PFKP: variants seen among roughly 807,000 people sequenced by gnomAD.
PFKP encodes ATP-dependent 6-phosphofructokinase, platelet type.
In PFKP, 101 loss-of-function variants were observed where a neutral mutation model predicts 94.3. That is an observed-to-expected ratio of 1.07 (90% CI 0.91 to 1.26). The LOEUF (loss-of-function observed/expected upper bound fraction) is 1.26. Among genes scored for constraint, PFKP ranks in the 50% most tolerant of loss-of-function variants. The pLI is 0.00. For synonymous variants in PFKP, 573 were observed against 432.6 expected (o/e 1.32, Z -4.03); for missense variants, 1,145 against 1,103.3 (o/e 1.04, Z -0.53).
At position 3,136,589 on chromosome 10, in the gene PFKP, G is replaced by A. The variant is rs533800662; in HGVS notation, c.*10G>A. The A allele has an allele frequency of 5.9e-5, 95 of 1,612,174 alleles. No homozygotes were observed. Among genetic ancestry groups the A allele is most frequent in the South Asian group, 4.4e-4 (40 of 90,824 alleles). On this transcript the variant is annotated 3_prime_UTR_variant, in exon 22 of 22. Transcript: ENST00000381125. ...GCCCTGGAGTGTCTGACCCAGTCCC[G>A]CCTGCATGTGCCTGCAGCCACCGTG... is the stretch of plus-strand genomic sequence containing the variant.
chr10:3,126,848 C>T (rs982587748), intron 16 of PFKP, among the ~76,000 whole-genome samples: 3 of 152,264 alleles, frequency 2.0e-5, no homozygotes, highest in Non-Finnish European at 4.4e-5. Context: ...GCAGGATCGC[C>T]TCTGCGTCCT....
At chr10:3,101,654 C>T (rs892187431) in intron 4 of PFKP, 100 bp downstream of exon 4, 2 of 803,924 alleles carry the variant, frequency 2.5e-6, no homozygotes, top group African/African-American at 1.8e-5. Flanking sequence ...AGTACCTCTT[C>T]TCACAGATCT....
At chr10:3,131,491 C>G (rs1254448390) in intron 17 of PFKP, among the ~76,000 whole-genome samples, 3 of 152,194 alleles carry the variant, frequency 2.0e-5, no homozygotes, top group Non-Finnish European at 2.9e-5. Flanking sequence ...GAGTCTCGCT[C>G]TGTCACCCAG....
chr10:3,082,190 C>T (rs149522525), intron 1 of PFKP, among the ~76,000 whole-genome samples, 198 bp from the exon 2 acceptor site: 70 of 152,120 alleles, frequency 4.6e-4, no homozygotes, highest in African/African-American at 1.6e-3. Flanking sequence ...GTAGCCTGGG[C>T]ATGGGGGTAC....
At chr10:3,121,548 T>C (rs1020059121) in intron 16 of PFKP, among the ~76,000 whole-genome samples, 2 of 151,712 alleles carry the variant, frequency 1.3e-5, no homozygotes, top group Admixed American at 1.3e-4. Flanking sequence ...CTGAGTTTCT[T>C]TTTAATTCCA....
At chr10:3,135,023 T>C (rs1423200410) in intron 20 of PFKP, among the ~76,000 whole-genome samples, 1 of 152,050 alleles carries the variant, frequency 6.6e-6, no homozygotes, top group African/African-American at 2.4e-5. Context: ...TTCGTAGAAC[T>C]GTGCATGTTC....
Position 3,119,950 on chromosome 10 carries a change from T to A in PFKP, c.1589T>A (p.Val530Asp), listed in dbSNP as rs1217378456. Reference sequence around the variant, plus strand: ...CGGGAGAAGCACGAGGAGTTCTGTGTCCCCATGGTCATGGTTCCCGCTACT... The same window carrying A: ...CGGGAGAAGCACGAGGAGTTCTGTGACCCCATGGTCATGGTTCCCGCTACT... The part of the protein sequence containing the change: ...AAREKHEEFC[V>D]PMVMVPATVS... The change falls in exon 16 of 22, where the codon GTC becomes GAC. Residue 530 changes from valine to aspartate, a missense_variant. Physicochemically the swap from Val to Asp is radical, Grantham distance 152. Around this residue, in one of 3 missense-constraint regions of PFKP, gnomAD observed 1,119 missense variants for 1,062.8 expected, o/e 1.05. Coordinates refer to ENST00000381125, the MANE Select transcript of PFKP (RefSeq NM_002627.5). The A allele has an allele frequency of 6.2e-7, 1 of 1,614,144 alleles. No individual in the cohort carries two copies. Among genetic ancestry groups the A allele is most frequent in the Non-Finnish European group, 8.5e-7 (1 of 1,180,008 alleles).
intron 1 of PFKP, among the ~76,000 whole-genome samples, chr10:3,075,434 G>A (rs930318612): frequency 6.6e-5 from 10 of 151,626 alleles, no homozygotes; most frequent in African/African-American, 1.7e-4. Context: ...ATTCCAGAGC[G>A]GCTTCCCTCT....
At chr10:3,109,595 C>A in intron 10 of PFKP, 115 bp downstream of exon 10, 3 of 1,306,880 alleles carry the variant, frequency 2.3e-6, no homozygotes, top group Non-Finnish European at 3.2e-6. Flanking sequence ...ATTACACGGC[C>A]TTTCTGAGAA....
intron 16 of PFKP, among the ~76,000 whole-genome samples, chr10:3,128,116 T>TG (rs1252685460): frequency 6.6e-6 from 1 of 152,140 alleles, no homozygotes; most frequent in Non-Finnish European, 1.5e-5. Context: ...GACGGCTGGC[T>TG]GGGGAATACC....
In PFKP at chr10:3,100,896, A is replaced by G. The variant is rs375416306; in HGVS notation, c.265-469A>G. On this transcript the variant is annotated intron_variant, in intron 3 of 21. Coordinates refer to ENST00000381125, the MANE Select transcript of PFKP (RefSeq NM_002627.5). Reference sequence around the variant, plus strand: ...AAAAAAAAAAAATCCCCCTGGCCCCAGGTTCCTGCTGGTTTTACTTGCAGG... The same window carrying G: ...AAAAAAAAAAAATCCCCCTGGCCCCGGGTTCCTGCTGGTTTTACTTGCAGG... The G allele has an allele frequency of 1.8e-4, 237 of 1,283,598 alleles. No homozygotes were observed. In the African/African-American group the frequency reaches 3.1e-3, roughly 17 times the overall value. 79.5% of individuals were successfully genotyped at this position (1,283,598 alleles called of 1,614,324 possible).
intron 4 of PFKP, among the ~76,000 whole-genome samples, chr10:3,102,308 G>A (rs964677380): frequency 4.1e-5 from 6 of 146,652 alleles, no homozygotes; most frequent in Admixed American, 6.9e-5. Flanking sequence ...TTATTTAGAC[G>A]ATAAATCTCT....
intron 2 of PFKP, among the ~76,000 whole-genome samples, chr10:3,088,744 T>A (rs1345157424): frequency 6.6e-6 from 1 of 152,060 alleles, no homozygotes; most frequent in Non-Finnish European, 1.5e-5. Context: ...GCATATATCA[T>A]TTACCATCTT....
intron 16 of PFKP, among the ~76,000 whole-genome samples, chr10:3,122,145 C>T (rs1405374580): frequency 6.6e-6 from 1 of 152,194 alleles, no homozygotes; most frequent in Non-Finnish European, 1.5e-5. Context: ...ATTACAATGT[C>T]TGAGAAAGAA....
At chr10:3,121,683 A>G (rs1271355310) in intron 16 of PFKP, among the ~76,000 whole-genome samples, 1 of 148,008 alleles carries the variant, frequency 6.8e-6, no homozygotes, top group Non-Finnish European at 1.5e-5. Context: ...ACAAATGATC[A>G]TTTCCACCTG....
chr10:3,081,097 TAC>T (rs1057306449), intron 1 of PFKP, among the ~76,000 whole-genome samples: 1 of 152,210 alleles, frequency 6.6e-6, no homozygotes, highest in Non-Finnish European at 1.5e-5. Flanking sequence ...AATATATATA[TAC>T]ACACATACAT....
chr10:3,090,915 G>C (rs1418290463), intron 2 of PFKP, among the ~76,000 whole-genome samples: 1 of 151,878 alleles, frequency 6.6e-6, no homozygotes, highest in East Asian at 1.9e-4. Context: ...GAGCTCTCTG[G>C]GTTACCAACA....
In PFKP at chr10:3,129,803, G is replaced by T. The variant is rs2279211; in HGVS notation, c.1684-16G>T. ...CGGGCCTGGGCTGGAGTGACTGATC[G>T]CTTCTCTGTGACCAGACCTGCGACC... is the stretch of plus-strand genomic sequence containing the variant. On this transcript the variant is annotated splice_polypyrimidine_tract_variant and intron_variant, in intron 16 of 21. Coordinates refer to ENST00000381125, the MANE Select transcript of PFKP (RefSeq NM_002627.5). 603,498 of 1,611,802 alleles carry T rather than the reference G, an allele frequency of 0.37. 114,031 individuals carry two copies. The highest frequency in any genetic ancestry group is 0.46 in the African/African-American group (34,096 of 74,920).
intron 15 of PFKP, among the ~76,000 whole-genome samples, chr10:3,119,377 G>A (rs1226984885): frequency 3.9e-5 from 6 of 152,242 alleles, no homozygotes; most frequent in South Asian, 2.1e-4. Context: ...AGGCCGAGGC[G>A]GGCAGATCAC....
Sources: gnomAD v4.1 joint callset for allele counts (sites outside exome capture counted in the v4.1 genomes callset) on GRCh38, gnomAD v4.1.1 for gene constraint, gnomAD v4.1.1 regional missense constraint, MANE v1.5 for transcripts, NCBI Gene and HGNC (gene_info 2026-07-23, HGNC 2026-07-21) for gene names.